SLC24A2: variants seen among roughly 807,000 people sequenced by gnomAD.
SLC24A2 encodes the protein solute carrier family 24 member 2.
A neutral mutation model predicts 62.0 loss-of-function variants in SLC24A2; 36 were observed. That is an observed-to-expected ratio of 0.58 (90% CI 0.44 to 0.77). The LOEUF (loss-of-function observed/expected upper bound fraction) is 0.77. Among genes scored for constraint, SLC24A2 ranks in the 30% least tolerant of loss-of-function variants. The probability of loss-of-function intolerance (pLI) is 0.00; values close to 1 mark genes in which losing one functional copy is unlikely to be tolerated. For synonymous variants in SLC24A2, 358 were observed against 294.0 expected, an observed-to-expected ratio of 1.22 and a Z score of -2.23; for missense variants, 846 against 817.9, an observed-to-expected ratio of 1.03 and a Z score of -0.42.
chr9:19,851,021 ATACATATTT>A, the SLC24A2 span, among the ~76,000 whole-genome samples: 37 of 62,936 alleles, frequency 5.9e-4, 6 homozygotes, highest in Non-Finnish European at 1.9e-4. Flanking sequence ...ATATATATAT[ATACATATTT>A]TTTTTTTTTT....
chr9:19,883,771 T>A, the SLC24A2 span, among the ~76,000 whole-genome samples: 4 of 152,134 alleles, frequency 2.6e-5, no homozygotes, highest in African/African-American at 9.7e-5. Context: ...TTCACTGTGT[T>A]AGCCAGGATG....
chr9:19,832,119 G>A, the SLC24A2 span, among the ~76,000 whole-genome samples: 6 of 152,286 alleles, frequency 3.9e-5, no homozygotes, highest in Admixed American at 2.6e-4. Flanking sequence ...GCCAAGGCAT[G>A]GTCAGAGAGG....
intron 10 of SLC24A2, among the ~76,000 whole-genome samples, 180 bp downstream of exon 10, chr9:19,520,714 C>G (rs973869241): frequency 6.6e-6 from 1 of 151,748 alleles, no homozygotes; most frequent in Non-Finnish European, 1.5e-5. Context: ...TCATTAAGTT[C>G]TCTGAAATGA....
the SLC24A2 span, among the ~76,000 whole-genome samples, chr9:20,006,809 G>C: frequency 2.0e-5 from 3 of 152,134 alleles, no homozygotes; most frequent in African/African-American, 7.2e-5. Flanking sequence ...CAAAGATCTG[G>C]AATTGACTCC....
At chr9:19,827,481 C>T in the SLC24A2 span, among the ~76,000 whole-genome samples, 5 of 151,824 alleles carry the variant, frequency 3.3e-5, no homozygotes, top group Admixed American at 6.6e-5. Flanking sequence ...CAAATACTTA[C>T]CAGTGGTAAT....
At chr9:19,656,041 G>A (rs56094575) in intron 2 of SLC24A2, among the ~76,000 whole-genome samples, 3,431 of 152,194 alleles carry the variant, frequency 0.023, 139 homozygotes, top group African/African-American at 0.076. Context: ...CTAAAGCCTC[G>A]TCTGCAATTA....
chr9:20,033,020 G>A, the SLC24A2 span, among the ~76,000 whole-genome samples: 1 of 152,146 alleles, frequency 6.6e-6, no homozygotes, highest in South Asian at 2.1e-4. Context: ...CTGCACAAAA[G>A]GTTGAATATA....
the SLC24A2 span, among the ~76,000 whole-genome samples, chr9:19,874,034 A>G: frequency 6.6e-6 from 1 of 151,666 alleles, no homozygotes; most frequent in African/African-American, 2.4e-5. Context: ...TAAAAATTCT[A>G]TAAACTCGTA....
chr9:19,874,314 T>A, the SLC24A2 span, among the ~76,000 whole-genome samples: 1 of 152,084 alleles, frequency 6.6e-6, no homozygotes, highest in Non-Finnish European at 1.5e-5. Flanking sequence ...TCAATATAAT[T>A]CATTGCTCTG....
At chr9:19,567,335 A>G (rs916678473) in intron 7 of SLC24A2, among the ~76,000 whole-genome samples, 8 of 151,844 alleles carry the variant, frequency 5.3e-5, no homozygotes, top group Admixed American at 3.3e-4. Flanking sequence ...TCACCAGGTC[A>G]GGAGATCAAG....
At chr9:19,759,783 T>C (rs923572896) in intron 2 of SLC24A2, among the ~76,000 whole-genome samples, 2 of 152,184 alleles carry the variant, frequency 1.3e-5, no homozygotes, top group African/African-American at 4.8e-5. Context: ...CTGACTTCTT[T>C]CTATGTTTCC....
At chr9:19,708,258 A>C (rs1272397506) in intron 2 of SLC24A2, among the ~76,000 whole-genome samples, 1 of 152,166 alleles carries the variant, frequency 6.6e-6, no homozygotes, top group Non-Finnish European at 1.5e-5. Flanking sequence ...ATAAAAGAGG[A>C]TACAAACAAA....
chr9:19,898,520 A>G, the SLC24A2 span, among the ~76,000 whole-genome samples: 1 of 152,130 alleles, frequency 6.6e-6, no homozygotes, highest in South Asian at 2.1e-4. Flanking sequence ...AGGCGGGTGG[A>G]TCACGAGGTC....
the SLC24A2 span, among the ~76,000 whole-genome samples, chr9:19,864,270 C>T: frequency 2.0e-5 from 3 of 151,670 alleles, no homozygotes; most frequent in Non-Finnish European, 4.4e-5. Context: ...AATACCAATC[C>T]TAAAACTATT....
the SLC24A2 span, among the ~76,000 whole-genome samples, chr9:19,828,776 G>A: frequency 6.6e-6 from 1 of 152,200 alleles, no homozygotes; most frequent in Non-Finnish European, 1.5e-5. Flanking sequence ...AAGTGGAGGG[G>A]AGGAGATGTT....
chr9:19,646,576 T>C (rs560923207), intron 2 of SLC24A2, among the ~76,000 whole-genome samples: 12 of 152,302 alleles, frequency 7.9e-5, no homozygotes, highest in East Asian at 5.8e-4. Flanking sequence ...TGGGAATAGA[T>C]TGACAGACAT....
At chr9:20,182,220 C>A in the SLC24A2 span, among the ~76,000 whole-genome samples, 2 of 152,126 alleles carry the variant, frequency 1.3e-5, no homozygotes, top group African/African-American at 4.8e-5. Flanking sequence ...AACAGTGATT[C>A]CTCGAGTGAT....
In SLC24A2 at chr9:19,508,280, T is replaced by C. The variant is rs12350819; in HGVS notation, c.*7873A>G. On this transcript the variant is annotated 3_prime_UTR_variant, in exon 11 of 11. Transcript: ENST00000341998. ...TCTTCCGAATAGAGTCTCAGCCCTT[T>C]AGAGAAACTCTTCAGACCACAAAAC... 2,681 of 152,274 alleles carry C rather than the reference T, an allele frequency of 0.018. 63 individuals carry two copies. The highest frequency in any genetic ancestry group is 0.098 in the South Asian group (471 of 4,820). 9.4% of individuals were successfully genotyped at this position (152,274 alleles called of 1,614,324 possible).
chr9:19,889,537 C>T, the SLC24A2 span, among the ~76,000 whole-genome samples: 2 of 152,146 alleles, frequency 1.3e-5, no homozygotes, highest in Admixed American at 6.5e-5. Flanking sequence ...CGCTTCTTCC[C>T]CTATTGTCTT....
Sources: allele counts gnomAD v4.1 joint callset (sites outside exome capture counted in the v4.1 genomes callset), GRCh38; gene constraint gnomAD v4.1.1; transcripts MANE v1.5; gene names NCBI Gene and HGNC (gene_info 2026-07-23, HGNC 2026-07-21).